The following SLC24A2 variants were observed in gnomAD, a reference collection of about 807,000 sequenced individuals.
The protein encoded by SLC24A2 is solute carrier family 24 member 2.
In SLC24A2, 36 loss-of-function variants were observed where a neutral mutation model predicts 62.0. The observed-to-expected ratio is 0.58, with a 90% CI of 0.44 to 0.77. The LOEUF (loss-of-function observed/expected upper bound fraction) is 0.77. Ranked by LOEUF, SLC24A2 falls within the 30% of genes least tolerant of loss-of-function variation. The pLI is 0.00. For synonymous variants in SLC24A2, 358 were observed against 294.0 expected, an observed-to-expected ratio of 1.22 and a Z score of -2.23; for missense variants, 846 against 817.9, an observed-to-expected ratio of 1.03 and a Z score of -0.42.
chr9:19,815,848 G>T, the SLC24A2 span, among the ~76,000 whole-genome samples: 778 of 150,890 alleles, frequency 5.2e-3, 8 homozygotes, highest in African/African-American at 0.018. Flanking sequence ...ATAAAACAAA[G>T]AAATATGTAC....
chr9:19,566,855 C>T (rs1025634229), intron 7 of SLC24A2, among the ~76,000 whole-genome samples: 8 of 149,420 alleles, frequency 5.4e-5, no homozygotes, highest in Admixed American at 2.7e-4. Context: ...CAAACTATCG[C>T]AAGAACAAAA....
chr9:19,581,956 T>C (rs569456069), intron 5 of SLC24A2, among the ~76,000 whole-genome samples: 1 of 152,326 alleles, frequency 6.6e-6, no homozygotes, highest in South Asian at 2.1e-4. Context: ...TTTACATAGC[T>C]ACAGATATTT....
the SLC24A2 span, among the ~76,000 whole-genome samples, chr9:20,283,852 C>G: frequency 6.6e-6 from 1 of 151,998 alleles, no homozygotes; most frequent in African/African-American, 2.4e-5. Flanking sequence ...TTCTTGCCCT[C>G]TGGAATTGAG....
At chr9:19,813,463 GCA>G in the SLC24A2 span, among the ~76,000 whole-genome samples, 4 of 151,466 alleles carry the variant, frequency 2.6e-5, no homozygotes, top group Non-Finnish European at 5.9e-5. Context: ...GACTACAGGC[GCA>G]CACCACCATG....
At chr9:20,176,701 T>C in the SLC24A2 span, among the ~76,000 whole-genome samples, 2 of 152,090 alleles carry the variant, frequency 1.3e-5, no homozygotes, top group Non-Finnish European at 1.5e-5. Context: ...CTATGGGTCT[T>C]AGGTCTACTT....
the SLC24A2 span, among the ~76,000 whole-genome samples, chr9:19,879,469 A>C: frequency 2.0e-5 from 3 of 152,220 alleles, no homozygotes; most frequent in Admixed American, 6.5e-5. Flanking sequence ...ATTTAGTTTA[A>C]AGGAAATAGC....
the SLC24A2 span, among the ~76,000 whole-genome samples, chr9:20,211,754 G>C: frequency 4.6e-5 from 7 of 151,888 alleles, no homozygotes; most frequent in Non-Finnish European, 1.0e-4. Flanking sequence ...TTGTTAACGA[G>C]GAAAGGGAAC....
At chr9:19,639,066 C>G (rs1213352773) in intron 2 of SLC24A2, among the ~76,000 whole-genome samples, 2 of 152,148 alleles carry the variant, frequency 1.3e-5, no homozygotes, top group African/African-American at 4.8e-5. Context: ...TTCAATTTCT[C>G]CATGGTCTTA....
the SLC24A2 span, among the ~76,000 whole-genome samples, chr9:20,186,756 T>C: frequency 2.6e-5 from 4 of 152,218 alleles, no homozygotes; most frequent in Admixed American, 2.6e-4. Flanking sequence ...TGTTATGATA[T>C]ATTTTAAAGT....
intron 2 of SLC24A2, among the ~76,000 whole-genome samples, chr9:19,635,261 T>TGG (rs1410250948): frequency 6.6e-6 from 1 of 152,174 alleles, no homozygotes; most frequent in Non-Finnish European, 1.5e-5. Flanking sequence ...GTTCTAGAAT[T>TGG]GGGGGAAAAA....
chr9:19,823,928 T>TC, the SLC24A2 span, among the ~76,000 whole-genome samples: 1 of 152,194 alleles, frequency 6.6e-6, no homozygotes, highest in African/African-American at 2.4e-5. Flanking sequence ...GGGAAATGAT[T>TC]CCCTATTTAA....
At chr9:19,949,286 G>A in the SLC24A2 span, among the ~76,000 whole-genome samples, 3 of 151,872 alleles carry the variant, frequency 2.0e-5, no homozygotes, top group African/African-American at 4.8e-5. Flanking sequence ...GAGCCACTGC[G>A]CCTGGCCCCC....
At chr9:19,705,061 G>T (rs939050795) in intron 2 of SLC24A2, among the ~76,000 whole-genome samples, 42 of 152,076 alleles carry the variant, frequency 2.8e-4, no homozygotes, top group African/African-American at 1.0e-3. Context: ...ATTCATTTCT[G>T]TGAGTTGTCC....
At chr9:19,653,679 C>T (rs1366179870) in intron 2 of SLC24A2, among the ~76,000 whole-genome samples, 2 of 152,114 alleles carry the variant, frequency 1.3e-5, no homozygotes, top group Non-Finnish European at 2.9e-5. Context: ...CTGACTTTAA[C>T]GTTGTCATTC....
chr9:20,036,760 C>T, the SLC24A2 span, among the ~76,000 whole-genome samples: 1 of 151,954 alleles, frequency 6.6e-6, no homozygotes, highest in Non-Finnish European at 1.5e-5. Context: ...CGGAGGATAC[C>T]ACAATGCAGG....
At chr9:19,730,636 A>C (rs1277240824) in intron 2 of SLC24A2, among the ~76,000 whole-genome samples, 2 of 152,156 alleles carry the variant, frequency 1.3e-5, no homozygotes, top group Non-Finnish European at 2.9e-5. Flanking sequence ...TATCTAGTTT[A>C]AGAGTCATTG....
the SLC24A2 span, among the ~76,000 whole-genome samples, chr9:19,801,329 T>C: frequency 1.3e-5 from 2 of 152,212 alleles, no homozygotes; most frequent in African/African-American, 4.8e-5. Flanking sequence ...TTAGCCTGAC[T>C]GGGAGTGGCA....
intron 2 of SLC24A2, among the ~76,000 whole-genome samples, chr9:19,637,835 T>C (rs1818397921): frequency 6.6e-6 from 1 of 152,212 alleles, no homozygotes; most frequent in African/African-American, 2.4e-5. Flanking sequence ...TTTGTTGTTT[T>C]ATAAATATGC....
chr9:19,628,359 T>C (rs1476055223), intron 2 of SLC24A2, among the ~76,000 whole-genome samples: 1 of 152,164 alleles, frequency 6.6e-6, no homozygotes, highest in African/African-American at 2.4e-5. Context: ...AGTATGTACA[T>C]AGAAGACAGT....
Sources: allele counts gnomAD v4.1 joint callset (sites outside exome capture counted in the v4.1 genomes callset), GRCh38; gene constraint gnomAD v4.1.1; transcripts MANE v1.5; gene names NCBI Gene and HGNC (gene_info 2026-07-23, HGNC 2026-07-21).